TAB2: variants seen among roughly 807,000 people sequenced by gnomAD.
TAB2 encodes TGF-beta activated kinase 1 (MAP3K7) binding protein 2.
TAB2 carries 3 observed loss-of-function variants against 65.0 expected under a neutral mutation model. The observed-to-expected ratio is 0.05, with a 90% CI of 0.02 to 0.12. The LOEUF is 0.12. Among genes scored for constraint, TAB2 ranks in the 10% least tolerant of loss-of-function variants. The pLI, the probability that TAB2 is intolerant of heterozygous loss-of-function variation, is 1.00. For synonymous variants in TAB2, 298 were observed against 285.1 expected, an observed-to-expected ratio of 1.05 and a Z score of -0.46; for missense variants, 623 against 840.3, an observed-to-expected ratio of 0.74 and a Z score of 3.20.
chr6:149,283,504 G>C (rs1778613440), intron 1 of TAB2, among the ~76,000 whole-genome samples: 1 of 152,128 alleles, frequency 6.6e-6, no homozygotes, highest in Non-Finnish European at 1.5e-5. Flanking sequence ...GAGGTCAGGA[G>C]TTGGAGACCA....
chr6:149,303,801 G>A (rs982314621), intron 1 of TAB2, among the ~76,000 whole-genome samples: 8 of 152,154 alleles, frequency 5.3e-5, no homozygotes, highest in Non-Finnish European at 1.5e-5. Context: ...CTATGGACGA[G>A]GTCCTGTGCA....
At chr6:149,303,050 T>G (rs762657806) in intron 1 of TAB2, among the ~76,000 whole-genome samples, 5 of 152,240 alleles carry the variant, frequency 3.3e-5, no homozygotes, top group Admixed American at 3.3e-4. Context: ...GTGCTCCTTA[T>G]GAGAATCTAA....
At chr6:149,406,170 TA>T (rs1782657582) in intron 6 of TAB2, among the ~76,000 whole-genome samples, 1 of 152,230 alleles carries the variant, frequency 6.6e-6, no homozygotes, top group African/African-American at 2.4e-5. Flanking sequence ...TATGCTGCAA[TA>T]AATACTCCAG....
chr6:149,373,293 T>A (rs1781290576), intron 2 of TAB2, among the ~76,000 whole-genome samples: 1 of 152,228 alleles, frequency 6.6e-6, no homozygotes, highest in Non-Finnish European at 1.5e-5. Context: ...AACATGACGA[T>A]TGAATCTGTA....
intron 1 of TAB2, among the ~76,000 whole-genome samples, chr6:149,299,439 G>T (rs1204325525): frequency 6.6e-6 from 1 of 152,144 alleles, no homozygotes; most frequent in African/African-American, 2.4e-5. Context: ...AGGCGTGGTG[G>T]TGCAGGCCTG....
At chr6:149,347,153 A>G (rs1468898233) in intron 1 of TAB2, 2 of 152,230 alleles carry the variant, frequency 1.3e-5, no homozygotes, top group Non-Finnish European at 2.9e-5. Flanking sequence ...GATTTATTGC[A>G]CTTTTCTTGA....
chr6:149,221,477 G>T (rs898522026), intron 1 of TAB2, among the ~76,000 whole-genome samples: 1 of 152,166 alleles, frequency 6.6e-6, no homozygotes, highest in Non-Finnish European at 1.5e-5. Flanking sequence ...AAGGCAAATA[G>T]CATCTCCGTG....
chr6:149,387,893 T>C (rs1462570726), intron 3 of TAB2, among the ~76,000 whole-genome samples: 3 of 152,198 alleles, frequency 2.0e-5, no homozygotes, highest in Non-Finnish European at 4.4e-5. Context: ...TACCATAATA[T>C]CTAACCAGTC....
In TAB2 at chr6:149,379,569, G is replaced by T. The variant is rs552965750; in HGVS notation, c.1603+51G>T. ...GGTTTTCCATGCTGGGCTTGTTGGT[G>T]TGCATTTGATTTCACAACAGAAATG... is the stretch of plus-strand genomic sequence containing the variant. On this transcript the variant is annotated intron_variant, in intron 3 of 6. Coordinates refer to ENST00000637181, the MANE Select transcript of TAB2 (RefSeq NM_001292034.3). 42 of 1,570,758 alleles carry T rather than the reference G, an allele frequency of 2.7e-5. No individual in the cohort carries two copies. In the East Asian group the frequency reaches 9.2e-4, roughly 34 times the overall value.
chr6:149,241,703 C>T (rs6570956), intron 1 of TAB2, among the ~76,000 whole-genome samples: 119,403 of 152,194 alleles, frequency 0.78, 47,078 homozygotes, highest in East Asian at 0.95. Context: ...TTCCATATTA[C>T]GCTATCTGGA....
intron 1 of TAB2, among the ~76,000 whole-genome samples, chr6:149,303,906 C>T (rs187764679): frequency 1.2e-3 from 176 of 152,182 alleles, no homozygotes; most frequent in African/African-American, 4.2e-3. Flanking sequence ...TTGAGGGAGG[C>T]GCAAAGCCAG....
At chr6:149,220,036 A>G (rs1194063934) in intron 1 of TAB2, among the ~76,000 whole-genome samples, 1 of 152,242 alleles carries the variant, frequency 6.6e-6, no homozygotes, top group Non-Finnish European at 1.5e-5. Flanking sequence ...TTGCATAAAT[A>G]ACATTTTCAT....
chr6:149,229,234 A>T (rs958877688), intron 1 of TAB2, among the ~76,000 whole-genome samples: 1 of 152,166 alleles, frequency 6.6e-6, no homozygotes, highest in South Asian at 2.1e-4. Context: ...AGATGCCAAA[A>T]CCAAGGGGGA....
At chr6:149,240,996 T>C (rs1223509853) in intron 1 of TAB2, among the ~76,000 whole-genome samples, 1 of 152,112 alleles carries the variant, frequency 6.6e-6, no homozygotes, top group African/African-American at 2.4e-5. Context: ...ATAGTGATAA[T>C]GCCCTCATAT....
chr6:149,399,973 TAGA>T (rs1308199413), intron 6 of TAB2, among the ~76,000 whole-genome samples: 1 of 152,208 alleles, frequency 6.6e-6, no homozygotes, highest in Non-Finnish European at 1.5e-5. Flanking sequence ...CAACTTAAAA[TAGA>T]AGAGTATAAC....
chr6:149,307,986 A>T (rs657941), intron 1 of TAB2, among the ~76,000 whole-genome samples: 68,169 of 151,828 alleles, frequency 0.45, 18,544 homozygotes, highest in African/African-American at 0.78. Context: ...GACAATGTCA[A>T]GAAATCTACC....
chr6:149,371,442 ATACC>A (rs2114862127), intron 2 of TAB2, among the ~76,000 whole-genome samples: 1 of 152,296 alleles, frequency 6.6e-6, no homozygotes, highest in Non-Finnish European at 1.5e-5. Flanking sequence ...CTTCCTGTTC[ATACC>A]CTATGTTCTG....
chr6:149,392,041 G>A (rs1286304384), intron 3 of TAB2, among the ~76,000 whole-genome samples: 1 of 151,014 alleles, frequency 6.6e-6, no homozygotes, highest in Non-Finnish European at 1.5e-5. Context: ...TTAAGTTCTC[G>A]TCTCTCTGCT....
chr6:149,295,474 T>C (rs1052404358), intron 1 of TAB2, among the ~76,000 whole-genome samples: 12 of 150,396 alleles, frequency 8.0e-5, no homozygotes, highest in Non-Finnish European at 1.3e-4. Flanking sequence ...CCTTTTCCCA[T>C]GTCTCTGTCC....
Sources: gnomAD v4.1 joint callset for allele counts (sites outside exome capture counted in the v4.1 genomes callset) on GRCh38, gnomAD v4.1.1 for gene constraint, MANE v1.5 for transcripts, NCBI Gene and HGNC (gene_info 2026-07-23, HGNC 2026-07-21) for gene names.